The following FRMD5 variants were observed in gnomAD, a reference collection of about 807,000 sequenced individuals.
FRMD5 encodes FERM domain containing 5.
Under a neutral mutation model 69.0 loss-of-function variants are expected in FRMD5, and 20 were observed. The observed-to-expected ratio is 0.29, with a 90% CI of 0.20 to 0.42. The LOEUF is 0.42. Among genes scored for constraint, FRMD5 ranks in the 10% least tolerant of loss-of-function variants. The pLI, the probability that FRMD5 is intolerant of heterozygous loss-of-function variation, is 1.00. For missense variants in FRMD5, 595 were observed against 708.6 expected, an observed-to-expected ratio of 0.84 and a Z score of 1.82; for synonymous variants, 271 against 260.1, an observed-to-expected ratio of 1.04 and a Z score of -0.40.
At chr15:44,191,926 A>ATC (rs2078202920) in intron 1 of FRMD5, among the ~76,000 whole-genome samples, 1 of 55,876 alleles carries the variant, frequency 1.8e-5, no homozygotes, top group African/African-American at 7.0e-5. Flanking sequence ...TATATATTAT[A>ATC]TATATATATA....
intron 1 of FRMD5, among the ~76,000 whole-genome samples, chr15:44,165,962 T>C (rs1299067107): frequency 6.6e-6 from 1 of 152,242 alleles, no homozygotes; most frequent in Non-Finnish European, 1.5e-5. Context: ...AATAATTTTC[T>C]AATGAACATC....
intron 1 of FRMD5, among the ~76,000 whole-genome samples, chr15:44,088,131 C>T (rs1471650718): frequency 2.6e-5 from 4 of 152,106 alleles, no homozygotes; most frequent in Non-Finnish European, 5.9e-5. Flanking sequence ...CAAAAACTCC[C>T]CCAATTTTAA....
At chr15:43,927,533 A>G (rs1956400615) in intron 1 of FRMD5, among the ~76,000 whole-genome samples, 1 of 152,202 alleles carries the variant, frequency 6.6e-6, no homozygotes, top group East Asian at 1.9e-4. Flanking sequence ...GAGAGTGAGA[A>G]GAGCTTAAAG....
upstream of FRMD5, among the ~76,000 whole-genome samples, chr15:44,196,610 T>A (rs1264595360): frequency 6.6e-6 from 1 of 152,074 alleles, no homozygotes; most frequent in Non-Finnish European, 1.5e-5. Flanking sequence ...AAAATGAAAC[T>A]CTACATTAGC....
Position 43,875,804 on chromosome 15 carries a change from G to GTTTTTTTTTTTTTTTT in FRMD5, c.1136-1358_1136-1343dup, listed in dbSNP as rs34063043. On this transcript the variant is annotated intron_variant, in intron 13 of 13. Transcript: ENST00000417257. ...TCTTGCCTTTGGTGTCCTGGGCCTA[G>GTTTTTTTTTTTTTTTT]TTTTTTTTTTTTTTTTTTTTTTTCT... 21 of 210,634 alleles carry GTTTTTTTTTTTTTTTT rather than the reference G, an allele frequency of 1.0e-4. 1 individual carries two copies. Among genetic ancestry groups the GTTTTTTTTTTTTTTTT allele is most frequent in the Middle Eastern group, 1.4e-3 (1 of 726 alleles). 13.0% of individuals were successfully genotyped at this position (210,634 alleles called of 1,614,324 possible).
chr15:44,176,635 G>C (rs576413386), intron 1 of FRMD5, among the ~76,000 whole-genome samples: 1 of 152,188 alleles, frequency 6.6e-6, no homozygotes, highest in South Asian at 2.1e-4. Flanking sequence ...TCATCTATCT[G>C]ATAAAGGACT....
chr15:44,138,551 G>A (rs2077220559), intron 1 of FRMD5, among the ~76,000 whole-genome samples: 1 of 152,156 alleles, frequency 6.6e-6, no homozygotes, highest in African/African-American at 2.4e-5. Flanking sequence ...GCCCAGCTAA[G>A]CCATCATAAA....
chr15:43,955,485 G>A, intron 1 of FRMD5, among the ~76,000 whole-genome samples: 1 of 152,184 alleles, frequency 6.6e-6, no homozygotes, highest in East Asian at 1.9e-4. Context: ...TATCACAAGG[G>A]ATTTCTTATT....
intron 1 of FRMD5, among the ~76,000 whole-genome samples, chr15:44,151,065 C>T (rs567827212): frequency 1.3e-5 from 2 of 151,416 alleles, no homozygotes; most frequent in Non-Finnish European, 2.9e-5. Context: ...GTACTCTTGC[C>T]TGGGCGAAAG....
rs2089255137 is a variant in FRMD5 at position 43,909,918 on chromosome 15, A to G, written c.391T>C (p.Ser131Pro). ...TAAGCTGCTAACAAGGCAGCATCCGATGTTTTACAGAGGAGTCGGCCATGG... is the reference window on the plus strand; with the variant it reads ...TAAGCTGCTAACAAGGCAGCATCCGGTGTTTTACAGAGGAGTCGGCCATGG... ...LYHGRLLCKTSDAALLAAYIL... is the reference protein window; with the variant it reads ...LYHGRLLCKTPDAALLAAYIL... The change falls in exon 5 of 14, where the codon TCG becomes CCG. Residue 131 changes from serine to proline, a missense_variant. By Grantham distance (74) the Ser-to-Pro change is moderately conservative (BLOSUM62 -1). This residue lies in a region of FRMD5 where 79 missense variants were observed against 139.9 expected (regional missense o/e 0.56). Transcript: ENST00000417257. 6.2e-7 allele frequency: 1 copy of G among 1,613,294 alleles called. No individual in the cohort carries two copies. Among genetic ancestry groups the G allele is most frequent in the African/African-American group, 1.3e-5 (1 of 74,924 alleles).
rs2088247632 is a variant in FRMD5, at chr15:43,874,115, T to A, written c.1483A>T (p.Asn495Tyr). The change falls in exon 14 of 14, where the codon AAT (asparagine) becomes TAT (tyrosine). Residue 495 changes from asparagine to tyrosine, a missense_variant. Asn to Tyr is a moderately radical substitution (Grantham distance 143). Coordinates refer to ENST00000417257, the MANE Select transcript of FRMD5 (RefSeq NM_032892.5). ...CGGAGGACACTTAGAACAAACTTAT[T>A]CACCTGTTCCTCCTCGGGCCCGCTG... is the stretch of plus-strand genomic sequence containing the variant. ...GHSGPEEEQVNKFVLSVLRLL... is the reference protein window; with the variant it reads ...GHSGPEEEQVYKFVLSVLRLL... The A allele has an allele frequency of 1.2e-6, 2 of 1,614,010 alleles. No individual in the cohort carries two copies. Among genetic ancestry groups the A allele is most frequent in the Non-Finnish European group, 1.7e-6 (2 of 1,180,008 alleles).
At chr15:44,061,825 G>A (rs1385168049) in intron 1 of FRMD5, among the ~76,000 whole-genome samples, 1 of 152,050 alleles carries the variant, frequency 6.6e-6, no homozygotes, top group Non-Finnish European at 1.5e-5. Flanking sequence ...TCTGAAATAC[G>A]GCCAGCAATC....
Position 43,888,227 on chromosome 15 carries a change from C to T in FRMD5, c.832G>A (p.Glu278Lys). 1 of 1,614,138 alleles carries T rather than the reference C, an allele frequency of 6.2e-7. No homozygotes were observed. The highest frequency in any genetic ancestry group is 1.7e-5 in the Admixed American group (1 of 60,030). ...CATTTCCAGAGGTGCTTACACGCTT[C>T]AGGAGTTGGAGCAAAATATGTAAGA... ...IILTYFAPTPEACKHLWKCGI... is the reference protein window; with the variant it reads ...IILTYFAPTPKACKHLWKCGI... The change falls in exon 10 of 14, where the codon GAA becomes AAA. Residue 278 changes from glutamate (E) to lysine (K), a missense_variant. By Grantham distance (56) the Glu-to-Lys change is moderately conservative. Coordinates refer to ENST00000417257, the MANE Select transcript of FRMD5 (RefSeq NM_032892.5).
chr15:44,017,639 C>A (rs1358221303), intron 1 of FRMD5, among the ~76,000 whole-genome samples: 1 of 145,574 alleles, frequency 6.9e-6, no homozygotes, highest in Non-Finnish European at 1.5e-5. Context: ...TTGAGACTGG[C>A]TCTGTGGCCC....
chr15:44,076,516 C>A (rs527862787), intron 1 of FRMD5, among the ~76,000 whole-genome samples: 146 of 150,146 alleles, frequency 9.7e-4, no homozygotes, highest in African/African-American at 3.2e-3. Flanking sequence ...AGTAAACTAT[C>A]GCAAGAACAA....
chr15:44,128,201 T>C (rs1037052552), intron 1 of FRMD5, among the ~76,000 whole-genome samples: 4 of 152,206 alleles, frequency 2.6e-5, no homozygotes, highest in Non-Finnish European at 4.4e-5. Flanking sequence ...TAAGTTTCAC[T>C]GGGCACAGGG....
intron 1 of FRMD5, among the ~76,000 whole-genome samples, chr15:44,023,801 GATTATAA>G (rs1038885509): frequency 7.2e-5 from 11 of 152,112 alleles, no homozygotes; most frequent in African/African-American, 2.7e-4. Context: ...GTTATTAACT[GATTATAA>G]ATTATGGAAC....
At chr15:44,150,570 A>G (rs1202039253) in intron 1 of FRMD5, among the ~76,000 whole-genome samples, 1 of 152,058 alleles carries the variant, frequency 6.6e-6, no homozygotes, top group East Asian at 1.9e-4. Flanking sequence ...GTTTAAGCCC[A>G]AGAGTTTGAG....
Position 43,909,945 on chromosome 15 carries a change from A to G in FRMD5, c.364T>C (p.Tyr122His). The change falls in exon 5 of 14, where the codon TAC becomes CAC. Residue 122 changes from tyrosine (Y) to histidine (H), a missense_variant. By Grantham distance (83) the Tyr-to-His change is moderately conservative (BLOSUM62 2). Transcript: ENST00000417257. The stretch of plus-strand genomic sequence containing the variant: ...GTTTTACAGAGGAGTCGGCCATGGT[A>G]GAGATCCCTTTTGATCTGCAGGAAG... ...LVFLQIKRDL[Y>H]HGRLLCKTSD... The G allele has an allele frequency of 6.2e-7, 1 of 1,612,256 alleles. No homozygotes were observed. Among genetic ancestry groups the G allele is most frequent in the Non-Finnish European group, 8.5e-7 (1 of 1,178,444 alleles).
Sources: allele counts gnomAD v4.1 joint callset (sites outside exome capture counted in the v4.1 genomes callset), GRCh38; gene constraint gnomAD v4.1.1; regional missense constraint gnomAD v4.1.1; transcripts MANE v1.5; gene names NCBI Gene and HGNC (gene_info 2026-07-23, HGNC 2026-07-21).